TRIM2: variants seen among roughly 807,000 people sequenced by gnomAD.
TRIM2 encodes the protein tripartite motif containing 2.
Under a neutral mutation model 75.2 loss-of-function variants are expected in TRIM2, and 20 were observed. The observed-to-expected ratio is 0.27, with a 90% CI of 0.19 to 0.39. The LOEUF (loss-of-function observed/expected upper bound fraction) is 0.39, where lower values mean the gene tolerates loss of function less well. Ranked by LOEUF, TRIM2 falls within the 10% of genes least tolerant of loss-of-function variation. The pLI is 1.00. For missense variants in TRIM2, 660 were observed against 990.8 expected, an observed-to-expected ratio of 0.67 and a Z score of 4.48; for synonymous variants, 373 against 388.3, an observed-to-expected ratio of 0.96 and a Z score of 0.46.
chr4:153,161,653 C>T (rs755537821), intron 1 of TRIM2, among the ~76,000 whole-genome samples: 5 of 152,188 alleles, frequency 3.3e-5, no homozygotes, highest in Non-Finnish European at 5.9e-5. Context: ...TCACAGACAA[C>T]GCTAGTACAC....
rs746292182 is a variant in TRIM2, at chr4:153,315,891, G to T, written c.1674G>T (p.Gly558=). 1 of 1,614,154 alleles carries T rather than the reference G, an allele frequency of 6.2e-7. No individual in the cohort carries two copies. The highest frequency in any genetic ancestry group is 1.1e-5 in the South Asian group (1 of 91,082). The part of the protein sequence containing the change: ...SRFGIRGRSP[G]QLQRPTGVAV... Reference sequence around the variant, plus strand: ...TTGGCATACGGGGACGCTCTCCGGGGCAGCTGCAGCGGCCCACAGGAGTGG... The same window carrying T: ...TTGGCATACGGGGACGCTCTCCGGGTCAGCTGCAGCGGCCCACAGGAGTGG... The change falls in exon 8 of 12, where the codon GGG becomes GGT. Residue 558 remains glycine, a synonymous_variant. Transcript: ENST00000338700.
chr4:153,269,791 C>T (rs190808067), intron 1 of TRIM2, among the ~76,000 whole-genome samples: 3 of 152,082 alleles, frequency 2.0e-5, no homozygotes, highest in Non-Finnish European at 2.9e-5. Flanking sequence ...GTTTGCCTGG[C>T]GAACATGTGA....
chr4:153,276,269 C>G, intron 3 of TRIM2, 139 bp downstream of exon 3: 1 of 677,054 alleles, frequency 1.5e-6, no homozygotes, highest in East Asian at 2.6e-5. Flanking sequence ...TTTTACCAGC[C>G]CTCAGACTAC....
At chr4:153,200,349 C>A (rs1368899264), upstream of TRIM2, among the ~76,000 whole-genome samples, 1 of 152,120 alleles carries the variant, frequency 6.6e-6, no homozygotes, top group African/African-American at 2.4e-5. Context: ...TTTAGGGATT[C>A]ATCTTTGTTG....
At chr4:153,280,619 T>A (rs1759108712) in intron 3 of TRIM2, among the ~76,000 whole-genome samples, 1 of 151,822 alleles carries the variant, frequency 6.6e-6, no homozygotes, top group Non-Finnish European at 1.5e-5. Context: ...CCTCAAGGGA[T>A]CCTCCCATCT....
At chr4:153,228,146 G>A (rs1357191530) in intron 1 of TRIM2, among the ~76,000 whole-genome samples, 5 of 152,196 alleles carry the variant, frequency 3.3e-5, no homozygotes, top group African/African-American at 1.2e-4. Context: ...AAGGCCACAG[G>A]ATCAGCTACT....
At chr4:153,252,399 C>A (rs988715586) in intron 1 of TRIM2, among the ~76,000 whole-genome samples, 1 of 152,230 alleles carries the variant, frequency 6.6e-6, no homozygotes, top group African/African-American at 2.4e-5. Context: ...ATTATGGTTA[C>A]TCCATCCTGG....
intron 8 of TRIM2, among the ~76,000 whole-genome samples, chr4:153,320,004 T>C (rs1011636933): frequency 1.3e-5 from 2 of 152,216 alleles, no homozygotes; most frequent in African/African-American, 4.8e-5. Flanking sequence ...ATTATTTGGT[T>C]GAGTCATCTA....
intron 1 of TRIM2, among the ~76,000 whole-genome samples, chr4:153,227,827 A>G (rs1050457647): frequency 6.6e-6 from 1 of 152,208 alleles, no homozygotes; most frequent in African/African-American, 2.4e-5. Flanking sequence ...GTTCAAGATT[A>G]TAATAGTTTG....
intron 2 of TRIM2, among the ~76,000 whole-genome samples, chr4:153,271,744 C>T (rs1311690545): frequency 6.6e-6 from 1 of 152,142 alleles, no homozygotes; most frequent in Admixed American, 6.5e-5. Flanking sequence ...GCACCTAAAA[C>T]ATGAATACCA....
chr4:153,221,999 G>A (rs1253801486), intron 1 of TRIM2, among the ~76,000 whole-genome samples: 1 of 112,694 alleles, frequency 8.9e-6, no homozygotes, highest in Non-Finnish European at 1.9e-5. Flanking sequence ...AGAGAGGAAG[G>A]AAGGAAAGAA....
chr4:153,291,319 C>T (rs1391906834), intron 3 of TRIM2, among the ~76,000 whole-genome samples: 1 of 152,180 alleles, frequency 6.6e-6, no homozygotes, highest in African/African-American at 2.4e-5. Context: ...GTTGGTCTTA[C>T]ACATGCCACC....
At chr4:153,236,653 G>T (rs1745106961) in intron 1 of TRIM2, among the ~76,000 whole-genome samples, 1 of 133,984 alleles carries the variant, frequency 7.5e-6, no homozygotes, top group East Asian at 2.0e-4. Flanking sequence ...TCTGAGGATT[G>T]TGTCTTTTTC....
At chr4:153,326,127 AT>A (rs888140598) in intron 10 of TRIM2, among the ~76,000 whole-genome samples, 1 of 152,202 alleles carries the variant, frequency 6.6e-6, no homozygotes, top group African/African-American at 2.4e-5. Flanking sequence ...TGCTTTAAAT[AT>A]TTATTGTAAA....
In TRIM2 at chr4:153,244,179, T is replaced by TCTC. The variant is rs1225905878; in HGVS notation, c.31-26150_31-26148dup. ...TTCTTCTTCTTCTTCTTCTTCTTCTTCTCCTCCTTCTTCTTCTCCTCCTTT... is the reference window on the plus strand; with the variant it reads ...TTCTTCTTCTTCTTCTTCTTCTTCTTCTCCTCCTCCTTCTTCTTCTCCTCCTTT... On this transcript the variant is annotated intron_variant, in intron 1 of 11. Transcript: ENST00000338700. Among the ~76,000 whole-genome samples the TCTC allele has an allele frequency of 5.1e-4, 70 of 138,508 alleles. 2 individuals are homozygous for TCTC. Among genetic ancestry groups the TCTC allele is most frequent in the Middle Eastern group, 3.9e-3 (1 of 254 alleles). 90.9% of individuals were successfully genotyped at this position (138,508 alleles called of 152,430 possible).
intron 3 of TRIM2, among the ~76,000 whole-genome samples, chr4:153,284,962 AT>A (rs1300779848): frequency 6.6e-6 from 1 of 151,658 alleles, no homozygotes; most frequent in Admixed American, 6.6e-5. Flanking sequence ...TAATTTCTCT[AT>A]TTTTTTCTTT....
intron 1 of TRIM2, among the ~76,000 whole-genome samples, chr4:153,205,791 G>C (rs983978233): frequency 3.3e-5 from 5 of 152,198 alleles, no homozygotes; most frequent in African/African-American, 1.2e-4. Flanking sequence ...GCGGATCCTG[G>C]AGGTATTAAG....
intron 1 of TRIM2, among the ~76,000 whole-genome samples, chr4:153,261,161 C>T (rs1753471354): frequency 6.6e-6 from 1 of 152,186 alleles, no homozygotes; most frequent in African/African-American, 2.4e-5. Flanking sequence ...ATGACTCATG[C>T]CTGTAATCCC....
chr4:153,180,325 G>T (rs1731922041), intron 1 of TRIM2, among the ~76,000 whole-genome samples: 1 of 152,158 alleles, frequency 6.6e-6, no homozygotes, highest in Non-Finnish European at 1.5e-5. Flanking sequence ...ACTCCTAGGT[G>T]TTAGTATTTT....
Sources: gnomAD v4.1 joint callset for allele counts (sites outside exome capture counted in the v4.1 genomes callset) on GRCh38, gnomAD v4.1.1 for gene constraint, MANE v1.5 for transcripts, NCBI Gene and HGNC (gene_info 2026-07-23, HGNC 2026-07-21) for gene names.